The following CAMK2B variants were observed in gnomAD, a reference collection of about 807,000 sequenced individuals.
The protein encoded by CAMK2B is calcium/calmodulin dependent protein kinase II beta.
In CAMK2B, 27 loss-of-function variants were observed where a neutral mutation model predicts 93.7. The observed-to-expected ratio is 0.29, with a 90% CI of 0.21 to 0.40. The LOEUF (loss-of-function observed/expected upper bound fraction) is 0.40. Among genes scored for constraint, CAMK2B ranks in the 10% least tolerant of loss-of-function variants. CAMK2B has a pLI of 1.00. For missense variants in CAMK2B, 568 were observed against 895.8 expected (o/e 0.63, Z 4.67); for synonymous variants, 374 against 358.8 (o/e 1.04, Z -0.48).
chr7:44,273,343 C>T (rs1200553152), intron 2 of CAMK2B, among the ~76,000 whole-genome samples: 1 of 152,206 alleles, frequency 6.6e-6, no homozygotes, highest in Non-Finnish European at 1.5e-5. Context: ...ACTCATCCAT[C>T]CAGTGCTGGG....
chr7:44,231,027 T>C lies in CAMK2B; in HGVS notation c.1204A>G (p.Ile402Val), dbSNP rs1316687114. ...GTACCTTTAGCGTCTTCATCCTCTA[T>C]GGTGGTATTGGCACTGTCAGAAGAC... ...KESSDSANTT[I>V]EDEDAKAPRV... Residue 402 changes from isoleucine (I) to valine (V), a missense_variant, in exon 17 of 24, where the codon ATA becomes GTA. By Grantham distance (29) the Ile-to-Val change is conservative. Around this residue, in one of 4 missense-constraint regions of CAMK2B, gnomAD observed 308 missense variants for 292.1 expected, o/e 1.05. Coordinates refer to ENST00000395749, the MANE Select transcript of CAMK2B (RefSeq NM_001220.5). 4.5e-6 allele frequency: 7 copies of C among 1,554,330 alleles called. No individual in the cohort carries two copies. The highest frequency in any genetic ancestry group is 1.2e-5 in the South Asian group (1 of 84,170).
rs1562865905 is a variant in CAMK2B, at chr7:44,240,763, C to CA, written c.904-15dup. The CA allele has an allele frequency of 6.2e-7, 1 of 1,613,318 alleles. No individual in the cohort carries two copies. The highest frequency in any genetic ancestry group is 8.5e-7 in the Non-Finnish European group (1 of 1,179,734). ...GAGGATGGCTCCCTGGGGAGAGACA[C>CA]AGATAAAACCGGGGCTATCCCATCA... On this transcript the variant is annotated splice_polypyrimidine_tract_variant and intron_variant, in intron 11 of 23. Coordinates refer to ENST00000395749, the MANE Select transcript of CAMK2B (RefSeq NM_001220.5).
chr7:44,238,154 C>A (rs1468490299), intron 13 of CAMK2B, among the ~76,000 whole-genome samples: 1 of 152,222 alleles, frequency 6.6e-6, no homozygotes, highest in African/African-American at 2.4e-5. Flanking sequence ...GTGGTCCTCT[C>A]AGCCCTGCCT....
rs1000731516 is a variant in CAMK2B at position 44,220,795 on chromosome 7, G to C, written c.1673+31C>G. 6 of 1,559,144 alleles carry C rather than the reference G, an allele frequency of 3.8e-6. No individual in the cohort carries two copies. In the African/African-American group the frequency reaches 4.1e-5, roughly 11 times the overall value. ...CCCAAGGGTCCCACATCCTTGTCCTGCACAGCCCCCCCCCAGCCCCAGGGA... is the reference window on the plus strand; with the variant it reads ...CCCAAGGGTCCCACATCCTTGTCCTCCACAGCCCCCCCCCAGCCCCAGGGA... On this transcript the variant is annotated intron_variant, in intron 21 of 23. Transcript: ENST00000395749.
intron 1 of CAMK2B, among the ~76,000 whole-genome samples, chr7:44,321,461 G>T (rs974816810): frequency 6.6e-6 from 1 of 152,140 alleles, no homozygotes; most frequent in Non-Finnish European, 1.5e-5. Flanking sequence ...TGGAGCTCAG[G>T]GGCCATTCTT....
At chr7:44,256,239 C>T (rs2096832391) in intron 4 of CAMK2B, among the ~76,000 whole-genome samples, 2 of 152,250 alleles carry the variant, frequency 1.3e-5, no homozygotes, top group South Asian at 4.1e-4. Flanking sequence ...TCTGGCCGGG[C>T]TCCTGAGCTT....
At chr7:44,277,412 C>T (rs1324682780) in intron 2 of CAMK2B, among the ~76,000 whole-genome samples, 1 of 152,200 alleles carries the variant, frequency 6.6e-6, no homozygotes, top group Non-Finnish European at 1.5e-5. Flanking sequence ...TGCAGTTCTG[C>T]AGTGTCCGCG....
At chr7:44,313,041 C>T (rs574198344) in intron 1 of CAMK2B, among the ~76,000 whole-genome samples, 9 of 152,190 alleles carry the variant, frequency 5.9e-5, no homozygotes, top group Non-Finnish European at 1.2e-4. Context: ...GCAGGACCCT[C>T]GGGGCTGGTG....
chr7:44,306,590 T>C (rs1791581165), intron 1 of CAMK2B, among the ~76,000 whole-genome samples: 1 of 152,206 alleles, frequency 6.6e-6, no homozygotes, highest in African/African-American at 2.4e-5. Context: ...GCCTAGCCTC[T>C]AGGGTGGAGA....
In CAMK2B at chr7:44,217,547, T is replaced by TGTCCCATGGCCCA. The variant is rs1304662955; in HGVS notation, c.*1965_*1977dup. ...TGCTGTCCGTGGTGAGCCCTGCCGC[T>TGTCCCATGGCCCA]GTCCCATGGCCCAGGGAGCCACTGG... On this transcript the variant is annotated 3_prime_UTR_variant, in exon 24 of 24. Coordinates refer to ENST00000395749, the MANE Select transcript of CAMK2B (RefSeq NM_001220.5). The TGTCCCATGGCCCA allele has an allele frequency of 6.6e-6, 1 of 152,376 alleles. No homozygotes were observed. The highest frequency in any genetic ancestry group is 1.5e-5 in the Non-Finnish European group (1 of 68,168). 9.4% of individuals were successfully genotyped at this position (152,376 alleles called of 1,614,324 possible). A position where few individuals can be genotyped will look rare whatever the true frequency, so the allele number is the denominator to read the frequency against.
At position 44,245,147 on chromosome 7, in the gene CAMK2B, A is replaced by G. The variant is rs539519209; in HGVS notation, c.415-1620T>C. 130 of 365,334 alleles carry G rather than the reference A, an allele frequency of 3.6e-4. 1 individual carries two copies. The highest frequency in any genetic ancestry group is 2.5e-3 in the African/African-American group (118 of 47,086). The allele number at this position is 365,334 out of a possible 1,614,324, so 22.6% of individuals were successfully genotyped here. ...GTTCTTCCGAAGAGAAGGAGCGTTA[A>G]GTGAACATGGACCGTAGGAAGCACT... is the stretch of plus-strand genomic sequence containing the variant. On this transcript the variant is annotated intron_variant, in intron 6 of 23. Transcript: ENST00000395749.
At position 44,263,102 on chromosome 7, in the gene CAMK2B, C is replaced by T. The variant is rs202157442; in HGVS notation, c.161-38G>A. ...AAAAACAAGGCGTCACCTCCTGCGCCAGCAACTGGTGGCCCAGGGATCGTC... is the reference window on the plus strand; with the variant it reads ...AAAAACAAGGCGTCACCTCCTGCGCTAGCAACTGGTGGCCCAGGGATCGTC... On this transcript the variant is annotated intron_variant, in intron 2 of 23. Transcript: ENST00000395749. 39 of 1,600,346 alleles carry T rather than the reference C, an allele frequency of 2.4e-5. No individual in the cohort carries two copies. The East Asian group carries it at 7.8e-4, about 32-fold the overall frequency.
rs1222592923 is a variant in CAMK2B, at chr7:44,220,770, C to G, written c.1673+56G>C. ...GGACCCCTGACTCTGAGCAGGCCCC[C>G]CCAAGGGTCCCACATCCTTGTCCTG... On this transcript the variant is annotated intron_variant, in intron 21 of 23. Coordinates refer to ENST00000395749, the MANE Select transcript of CAMK2B (RefSeq NM_001220.5). 2.6e-6 allele frequency: 4 copies of G among 1,563,164 alleles called. No homozygotes were observed. The African/African-American group carries it at 5.4e-5, about 21-fold the overall frequency.
At position 44,225,715 on chromosome 7, in the gene CAMK2B, C is replaced by T; in HGVS notation, c.1597+801G>A. On this transcript the variant is annotated intron_variant, in intron 20 of 23. Coordinates refer to ENST00000395749, the MANE Select transcript of CAMK2B (RefSeq NM_001220.5). The surrounding 1 kb of genome is among the most constrained non-coding windows in gnomAD (Gnocchi z 5.0). ...TGCAGCAGCCCCCAGGCCCAGCCTGCAGAGGGGACGGTGGCAAGCAGACCC... is the reference window on the plus strand; with the variant it reads ...TGCAGCAGCCCCCAGGCCCAGCCTGTAGAGGGGACGGTGGCAAGCAGACCC... 7.8e-7 allele frequency: 1 copy of T among 1,288,374 alleles called. No homozygotes were observed. Among genetic ancestry groups the T allele is most frequent in the Non-Finnish European group, 1.0e-6 (1 of 987,892 alleles). 79.8% of individuals were successfully genotyped at this position (1,288,374 alleles called of 1,614,324 possible).
intron 2 of CAMK2B, among the ~76,000 whole-genome samples, chr7:44,276,784 G>A (rs539532588): frequency 5.9e-5 from 9 of 152,308 alleles, no homozygotes; most frequent in African/African-American, 1.4e-4. Flanking sequence ...CCGAACCCTC[G>A]GCCTGCCTCA....
chr7:44,306,895 A>AGGC (rs1791798410), intron 1 of CAMK2B, among the ~76,000 whole-genome samples: 1 of 121,600 alleles, frequency 8.2e-6, no homozygotes, highest in Non-Finnish European at 1.7e-5. Context: ...GGGTGTGAGC[A>AGGC]GGAAGACGGT....
At chr7:44,249,901 G>A (rs1340476539) in intron 5 of CAMK2B, among the ~76,000 whole-genome samples, 1 of 152,088 alleles carries the variant, frequency 6.6e-6, no homozygotes, top group Admixed American at 6.5e-5. Context: ...CCCCTGCTGA[G>A]GAGGCTCCCC....
rs1242538122 is a variant in CAMK2B, at chr7:44,286,447, C to T, written c.66-2222G>A. Among the ~76,000 whole-genome samples, 2 of 152,154 alleles carry T rather than the reference C, an allele frequency of 1.3e-5. No homozygotes were observed. Among genetic ancestry groups the T allele is most frequent in the African/African-American group, 4.8e-5 (2 of 41,440 alleles). ...CAAGCTGATGATGCCCGTATGGCAC[C>T]GCTGTGTCGAGCCCGTCCCCGGAGC... On this transcript the variant is annotated intron_variant, in intron 1 of 23. Coordinates refer to ENST00000395749, the MANE Select transcript of CAMK2B (RefSeq NM_001220.5). The surrounding 1 kb of genome is among the most constrained non-coding windows in gnomAD (Gnocchi z 4.0).
At position 44,286,102 on chromosome 7, in the gene CAMK2B, G is replaced by C. The variant is rs1785017064; in HGVS notation, c.66-1877C>G. Among the ~76,000 whole-genome samples the C allele has an allele frequency of 6.6e-6, 1 of 152,140 alleles. No individual in the cohort carries two copies. The highest frequency in any genetic ancestry group is 2.4e-5 in the African/African-American group (1 of 41,428). The stretch of plus-strand genomic sequence containing the variant: ...CTGGCTTCAATCCTGGTTAGACGGG[G>C]TGACACAGCTCTCTGAGCCTCAGTT... On this transcript the variant is annotated intron_variant, in intron 1 of 23. Transcript: ENST00000395749. The surrounding 1 kb of genome is among the most constrained non-coding windows in gnomAD (Gnocchi z 4.0).
Sources: allele counts gnomAD v4.1 joint callset (sites outside exome capture counted in the v4.1 genomes callset), GRCh38; gene constraint gnomAD v4.1.1; regional missense constraint gnomAD v4.1.1; non-coding constraint Gnocchi (gnomAD v3.1); transcripts MANE v1.5; gene names NCBI Gene and HGNC (gene_info 2026-07-23, HGNC 2026-07-21).